Variants in C1orf105 observed in about 807,000 individuals in gnomAD.
The protein encoded by C1orf105 is uncharacterized protein C1orf105.
A neutral mutation model predicts 20.8 loss-of-function variants in C1orf105; 17 were observed. The ratio of observed to expected loss-of-function variants is 0.82; its 90% CI spans 0.56 to 1.23. C1orf105 has a LOEUF of 1.23. Ranked by LOEUF, C1orf105 falls within the 50% of genes most tolerant of loss-of-function variation. The pLI is 0.00. For missense variants in C1orf105, 219 were observed against 213.5 expected (o/e 1.03, Z -0.16); for synonymous variants, 72 against 72.1 (o/e 1.00, Z 0.01).
intron 1 of C1orf105, among the ~76,000 whole-genome samples, chr1:172,438,281 T>C (rs538825233): frequency 6.6e-6 from 1 of 152,362 alleles, no homozygotes; most frequent in East Asian, 1.9e-4. Flanking sequence ...ATAGCTGCCA[T>C]AGATAGTGAT....
chr1:172,432,765 C>T (rs1315754951), intron 1 of C1orf105, among the ~76,000 whole-genome samples: 1 of 152,216 alleles, frequency 6.6e-6, no homozygotes, highest in Non-Finnish European at 1.5e-5. Flanking sequence ...CAGAGAATGA[C>T]TTTAATGAGT....
intron 5 of C1orf105, among the ~76,000 whole-genome samples, chr1:172,463,159 C>T (rs573008993): frequency 6.6e-6 from 1 of 152,106 alleles, no homozygotes; most frequent in Admixed American, 6.6e-5. Context: ...TTACAACATG[C>T]AAAACATGGA....
intron 6 of C1orf105, 37 bp from the exon 7 acceptor site, chr1:172,468,412 G>A: frequency 1.3e-6 from 2 of 1,562,858 alleles, no homozygotes; most frequent in African/African-American, 1.4e-5. Flanking sequence ...AATCTAAGTA[G>A]TCCTTATCCT....
intron 1 of C1orf105, chr1:172,428,746 T>A (rs1330414794): frequency 1.3e-5 from 9 of 672,918 alleles, no homozygotes; most frequent in South Asian, 1.3e-4. Context: ...CCTCCTGCTA[T>A]AATGTCAGCT....
intron 1 of C1orf105, among the ~76,000 whole-genome samples, chr1:172,434,888 G>C (rs2071989134): frequency 6.6e-6 from 1 of 152,086 alleles, no homozygotes; most frequent in South Asian, 2.1e-4. Context: ...GAATCAAATA[G>C]ACACAATAAA....
chr1:172,424,429 C>T (rs2071672230), intron 1 of C1orf105, among the ~76,000 whole-genome samples: 2 of 152,202 alleles, frequency 1.3e-5, no homozygotes, highest in Admixed American at 1.3e-4. Context: ...CTTGCTCTGT[C>T]ACCCAGGCTG....
At chr1:172,466,137 G>A (rs1650035894) in intron 6 of C1orf105, among the ~76,000 whole-genome samples, 2 of 152,028 alleles carry the variant, frequency 1.3e-5, no homozygotes, top group South Asian at 4.2e-4. Flanking sequence ...GAGGTTGCAG[G>A]GGAACTAGAG....
chr1:172,463,186 C>A (rs1649817434), intron 5 of C1orf105, among the ~76,000 whole-genome samples: 1 of 152,204 alleles, frequency 6.6e-6, no homozygotes, highest in Non-Finnish European at 1.5e-5. Flanking sequence ...CTAAACAGGA[C>A]ATCAACACAG....
chr1:172,437,182 C>A (rs2072065548), intron 1 of C1orf105, among the ~76,000 whole-genome samples: 1 of 152,136 alleles, frequency 6.6e-6, no homozygotes, highest in African/African-American at 2.4e-5. Context: ...TGTGGCGATT[C>A]CTCAAGGATT....
At chr1:172,462,151 C>T (rs371390981) in intron 4 of C1orf105, 27 bp from the exon 5 acceptor site, 37 of 1,544,684 alleles carry the variant, frequency 2.4e-5, no homozygotes, top group Admixed American at 3.5e-5. Flanking sequence ...TTACAGGCAA[C>T]GTTCTAAATG....
chr1:172,448,371 A>G (rs1648245884), intron 2 of C1orf105, 70 bp from the exon 3 acceptor site: 1 of 1,072,946 alleles, frequency 9.3e-7, no homozygotes, highest in African/African-American at 1.6e-5. Context: ...ATTCTCTCAG[A>G]AACAACCAAG....
intron 4 of C1orf105, among the ~76,000 whole-genome samples, chr1:172,459,190 T>C (rs1027566124): frequency 6.6e-6 from 1 of 151,996 alleles, no homozygotes. Context: ...TATAGATAAA[T>C]CAGTCTTCAT....
chr1:172,450,476 G>A (rs1006305084), intron 3 of C1orf105, among the ~76,000 whole-genome samples: 8 of 152,192 alleles, frequency 5.3e-5, no homozygotes, highest in East Asian at 1.9e-4. Flanking sequence ...GGATTCAGCT[G>A]GCAGCTGCTC....
chr1:172,464,644 G>GTT (rs35644684), intron 5 of C1orf105, among the ~76,000 whole-genome samples: 216 of 146,814 alleles, frequency 1.5e-3, no homozygotes, highest in African/African-American at 4.9e-3. Flanking sequence ...GAAGAGTTCT[G>GTT]TTTTTTTTTT....
chr1:172,465,364 G>T lies in C1orf105; in HGVS notation c.406+1G>T, dbSNP rs1649970717. The T allele has an allele frequency of 1.2e-6, 2 of 1,607,230 alleles. No individual in the cohort carries two copies. The highest frequency in any genetic ancestry group is 3.3e-5 in the Admixed American group (2 of 59,950). ...CCTTTCCATGATGACATCCCAACAGGTTTGCTTTCTTTTAGAGTACTTATA... is the reference window on the plus strand; with the variant it reads ...CCTTTCCATGATGACATCCCAACAGTTTTGCTTTCTTTTAGAGTACTTATA... On this transcript the variant is annotated splice_donor_variant, in intron 6 of 6. Coordinates refer to ENST00000367727, the MANE Select transcript of C1orf105 (RefSeq NM_139240.4). LOFTEE classifies it high-confidence loss of function.
chr1:172,422,421 G>C (rs1206879557), intron 1 of C1orf105, among the ~76,000 whole-genome samples: 1 of 152,092 alleles, frequency 6.6e-6, no homozygotes, highest in Non-Finnish European at 1.5e-5. Flanking sequence ...ACCCAGTCTT[G>C]GCAGATTTCA....
In C1orf105 at chr1:172,444,252, A is replaced by G. The variant is rs140747421; in HGVS notation, c.22-821A>G. 2.6e-4 allele frequency: 254 copies of G among 985,410 alleles called. No homozygotes were observed. The African/African-American group carries it at 3.8e-3, about 15-fold the overall frequency. The allele number at this position is 985,410 out of a possible 1,614,324, so 61.0% of individuals were successfully genotyped here. ...GAAGGCAAATCCCCAGCAATCCCCT[A>G]TTGAAAGATGGGATGTGCCATCTGA... On this transcript the variant is annotated intron_variant, in intron 1 of 6. Coordinates refer to ENST00000367727, the MANE Select transcript of C1orf105 (RefSeq NM_139240.4).
Position 172,420,818 on chromosome 1 carries a change from A to G in C1orf105, c.-68A>G. 1 of 1,523,972 alleles carries G rather than the reference A, an allele frequency of 6.6e-7. No homozygotes were observed. The highest frequency in any genetic ancestry group is 1.1e-5 in the South Asian group (1 of 88,636). 94.4% of individuals were successfully genotyped at this position (1,523,972 alleles called of 1,614,324 possible). ...TCTCCACAGCAGTCTTCCACTGGCC[A>G]CAGTGAGGGGAGCTAGGTTTCCCCA... On this transcript the variant is annotated 5_prime_UTR_variant, in exon 1 of 7. Transcript: ENST00000367727.
chr1:172,445,033 G>T, intron 1 of C1orf105, 40 bp from the exon 2 acceptor site: 2 of 1,511,138 alleles, frequency 1.3e-6, no homozygotes, highest in Non-Finnish European at 1.8e-6. Context: ...CAATGTTTAA[G>T]TGTGATATAT....
Sources: gnomAD v4.1 joint callset for allele counts (sites outside exome capture counted in the v4.1 genomes callset) on GRCh38, gnomAD v4.1.1 for gene constraint, MANE v1.5 for transcripts, NCBI Gene and HGNC (gene_info 2026-07-23, HGNC 2026-07-21) for gene names.